PAXBP1: variants seen among roughly 807,000 people sequenced by gnomAD.
PAXBP1 encodes the protein PAX3 and PAX7 binding protein 1.
Under a neutral mutation model 119.9 loss-of-function variants are expected in PAXBP1, and 44 were observed. That is an observed-to-expected ratio of 0.37 (90% CI 0.29 to 0.47). PAXBP1 has a LOEUF of 0.47. Among genes scored for constraint, PAXBP1 ranks in the 20% least tolerant of loss-of-function variants. PAXBP1 has a pLI of 0.99. For missense variants in PAXBP1, 898 were observed against 1,134.1 expected (o/e 0.79, Z 2.99); for synonymous variants, 393 against 406.6 (o/e 0.97, Z 0.40).
intron 2 of PAXBP1, among the ~76,000 whole-genome samples, chr21:32,765,900 C>A (rs570464499): frequency 4.0e-5 from 6 of 148,386 alleles, no homozygotes; most frequent in Admixed American, 4.0e-4. Context: ...CCTGGGAGGC[C>A]AAGGCGGGTG....
chr21:32,765,297 C>T (rs1454967819), intron 2 of PAXBP1, among the ~76,000 whole-genome samples: 2 of 152,218 alleles, frequency 1.3e-5, no homozygotes, highest in Non-Finnish European at 2.9e-5. Context: ...TTCTAATCCA[C>T]TCCTGAGGCC....
At chr21:32,744,529 T>C (rs1019824067) in intron 13 of PAXBP1, among the ~76,000 whole-genome samples, 11 of 152,090 alleles carry the variant, frequency 7.2e-5, no homozygotes, top group African/African-American at 2.2e-4. Flanking sequence ...AATGAAAGGC[T>C]ATTTAAAATG....
At chr21:32,738,988 A>G (rs964912768) in intron 15 of PAXBP1, among the ~76,000 whole-genome samples, 1 of 151,996 alleles carries the variant, frequency 6.6e-6, no homozygotes, top group Non-Finnish European at 1.5e-5. Flanking sequence ...CAGTCTGTCC[A>G]TTTCCCTCAG....
rs1162782705 is a variant in PAXBP1 at position 32,771,499 on chromosome 21, A to C, written c.170T>G (p.Leu57Arg). Residue 57 changes from leucine (L) to arginine (R), a missense_variant, in exon 1 of 18, where the codon CTG (leucine) becomes CGG (arginine). This residue lies in a region of PAXBP1 where 299 missense variants were observed against 281.4 expected (regional missense o/e 1.06). Transcript: ENST00000331923. ...GGAAGGCGGCGACGGCCCCGGGCCC[A>C]GCAGCGACTCCCCGCCAGGGGCCCT... ...GDRAPGGESL[L>R]GPGPSPPSAL... is the part of the protein sequence containing the mutation. 2 of 1,324,726 alleles carry C rather than the reference A, an allele frequency of 1.5e-6. No individual in the cohort carries two copies. The highest frequency in any genetic ancestry group is 1.9e-6 in the Non-Finnish European group (2 of 1,043,108). 82.1% of individuals were successfully genotyped at this position (1,324,726 alleles called of 1,614,324 possible). A position where few individuals can be genotyped will look rare whatever the true frequency, so the allele number is the denominator to read the frequency against.
intron 17 of PAXBP1, among the ~76,000 whole-genome samples, chr21:32,736,324 G>A (rs1028557143): frequency 3.3e-5 from 5 of 152,118 alleles, no homozygotes; most frequent in African/African-American, 1.2e-4. Context: ...GAGTAGGTGG[G>A]ACTATAGGCA....
At chr21:32,742,919 A>G (rs1011929478) in intron 15 of PAXBP1, 1 of 489,228 alleles carries the variant, frequency 2.0e-6, no homozygotes, top group Non-Finnish European at 4.1e-6. Flanking sequence ...CTGTGGTTTC[A>G]GGTAGCCACT....
chr21:32,748,792 T>A, intron 10 of PAXBP1, 94 bp from the exon 11 acceptor site: 2 of 1,062,730 alleles, frequency 1.9e-6, no homozygotes, highest in Non-Finnish European at 2.7e-6. Flanking sequence ...GTAGCTTCAG[T>A]ATCAGAAGAT....
chr21:32,763,439 T>C (rs900954529), intron 3 of PAXBP1, among the ~76,000 whole-genome samples: 20 of 152,218 alleles, frequency 1.3e-4, no homozygotes, highest in African/African-American at 4.8e-4. Flanking sequence ...TGATTCATAT[T>C]GCCAAAGAGC....
intron 7 of PAXBP1, among the ~76,000 whole-genome samples, chr21:32,758,642 G>T (rs1272085351): frequency 9.7e-6 from 1 of 103,120 alleles, no homozygotes; most frequent in Non-Finnish European, 1.9e-5. Context: ...CATCATCCAG[G>T]GTAAAAAAAA....
At chr21:32,753,443 A>AC (rs2043992524) in intron 8 of PAXBP1, among the ~76,000 whole-genome samples, 3 of 151,808 alleles carry the variant, frequency 2.0e-5, no homozygotes, top group Non-Finnish European at 4.4e-5. Context: ...AAAAAAAAAA[A>AC]AAAACATTAT....
At chr21:32,742,251 T>G (rs1052155131) in intron 15 of PAXBP1, 4 of 152,094 alleles carry the variant, frequency 2.6e-5, no homozygotes, top group Non-Finnish European at 4.4e-5. Flanking sequence ...ACCTTTTATT[T>G]TTTTTTTAAG....
At chr21:32,742,022 C>G (rs185804268) in intron 15 of PAXBP1, among the ~76,000 whole-genome samples, 311 of 152,322 alleles carry the variant, frequency 2.0e-3, no homozygotes, top group Non-Finnish European at 3.7e-3. Context: ...ACTCAAAAGA[C>G]TTTGCCTATC....
At chr21:32,753,620 T>C (rs2043997937) in intron 8 of PAXBP1, among the ~76,000 whole-genome samples, 1 of 152,222 alleles carries the variant, frequency 6.6e-6, no homozygotes, top group Admixed American at 6.5e-5. Flanking sequence ...GACTATTCTT[T>C]ACTTCTTTAA....
chr21:32,762,083 T>A lies in PAXBP1; in HGVS notation c.871+13A>T. 6.2e-7 allele frequency: 1 copy of A among 1,613,862 alleles called. No homozygotes were observed. The highest frequency in any genetic ancestry group is 8.5e-7 in the Non-Finnish European group (1 of 1,179,858). On this transcript the variant is annotated intron_variant, in intron 4 of 17. Coordinates refer to ENST00000331923, the MANE Select transcript of PAXBP1 (RefSeq NM_016631.4). ...CAATGCAATAGGCTTACTATTCAAT[T>A]AAATCAAGTTACCTATTTCCTCAGC...
chr21:32,771,011 T>A (rs532581081), intron 1 of PAXBP1, among the ~76,000 whole-genome samples: 2 of 152,324 alleles, frequency 1.3e-5, no homozygotes, highest in East Asian at 3.9e-4. Context: ...CCACACCAAG[T>A]TGGCCCTGAA....
intron 5 of PAXBP1, among the ~76,000 whole-genome samples, chr21:32,760,761 G>C (rs1179416905): frequency 2.0e-5 from 3 of 152,042 alleles, no homozygotes; most frequent in African/African-American, 7.2e-5. Flanking sequence ...TGAGCTACCG[G>C]GTAATGCTAA....
intron 10 of PAXBP1, 60 bp downstream of exon 10, chr21:32,750,857 A>C: frequency 6.1e-5 from 77 of 1,264,592 alleles, no homozygotes; most frequent in East Asian, 1.6e-4. Flanking sequence ...TCATGGTAAA[A>C]ACCATACCCA....
chr21:32,746,278 C>T (rs1446453763), intron 11 of PAXBP1, among the ~76,000 whole-genome samples: 1 of 152,084 alleles, frequency 6.6e-6, no homozygotes. Context: ...GTATCTAATT[C>T]AACTAAAGAG....
In PAXBP1 at chr21:32,737,259, A is replaced by G. The variant is rs1434117058; in HGVS notation, c.2631T>C (p.Asn877=). 1 of 1,523,042 alleles carries G rather than the reference A, an allele frequency of 6.6e-7. No homozygotes were observed. 94.3% of individuals were successfully genotyped at this position (1,523,042 alleles called of 1,614,324 possible). ...TTCATTAATTACAAAATTACCTTGC[A>G]TTTCTTTTTTCCACATCAGAACACC... The part of the protein sequence containing the change: ...SIGCSDVEKR[N]ARENIKQIVK... Residue 877 remains asparagine (N), a synonymous_variant, in exon 17 of 18, where the codon AAT becomes AAC. Coordinates refer to ENST00000331923, the MANE Select transcript of PAXBP1 (RefSeq NM_016631.4).
Sources: gnomAD v4.1 joint callset for allele counts (sites outside exome capture counted in the v4.1 genomes callset) on GRCh38, gnomAD v4.1.1 for gene constraint, gnomAD v4.1.1 regional missense constraint, MANE v1.5 for transcripts, NCBI Gene and HGNC (gene_info 2026-07-23, HGNC 2026-07-21) for gene names.